Variants in PLEKHB1 observed in about 807,000 individuals in gnomAD.
The protein encoded by PLEKHB1 is pleckstrin homology domain containing B1.
Under a neutral mutation model 36.2 loss-of-function variants are expected in PLEKHB1, and 29 were observed. The observed-to-expected ratio is 0.80, with a 90% CI of 0.60 to 1.09. The LOEUF (loss-of-function observed/expected upper bound fraction) is 1.09. Among genes scored for constraint, PLEKHB1 ranks in the 50% least tolerant of loss-of-function variants. The pLI is 0.00. For missense variants in PLEKHB1, 330 were observed against 348.2 expected, an observed-to-expected ratio of 0.95 and a Z score of 0.42; for synonymous variants, 138 against 140.0, an observed-to-expected ratio of 0.99 and a Z score of 0.10.
rs576020398 is a variant in PLEKHB1, at chr11:73,650,580, A to G, written c.122A>G (p.Asn41Ser). The G allele has an allele frequency of 5.6e-5, 91 of 1,613,102 alleles. 2 individuals carry two copies. In the South Asian group the frequency reaches 8.8e-4, roughly 16 times the overall value. The change falls in exon 3 of 8, where the codon AAC becomes AGC. Residue 41 changes from asparagine (N) to serine (S), a missense_variant. Asn to Ser is a conservative substitution (Grantham distance 46). Transcript: ENST00000354190. ...QSSILRRWKR[N>S]WFALWLDGTL... ...TCCATCCTCCGCCGCTGGAAGCGGA[A>G]CTGGTTTGCCCTGTGGCTGGACGGG...
chr11:73,652,625 G>A (rs1022163526), intron 4 of PLEKHB1: 2 of 226,112 alleles, frequency 8.8e-6, no homozygotes, highest in Non-Finnish European at 1.7e-5. Context: ...GAAGTGTTTT[G>A]TTTGTAGATT....
rs1944777667 is a variant in PLEKHB1 at position 73,646,638 on chromosome 11, T to G, written c.18+12T>G. ...GCCCTGCAGCCCCGGTAAGGAAGAG[T>G]TCTCTGGGACAGGAGGAAGGGCCCA... On this transcript the variant is annotated intron_variant, in intron 1 of 7. Coordinates refer to ENST00000354190, the MANE Select transcript of PLEKHB1 (RefSeq NM_021200.3). 5 of 1,551,070 alleles carry G rather than the reference T, an allele frequency of 3.2e-6. No homozygotes were observed. In the East Asian group the frequency reaches 1.2e-4, roughly 38 times the overall value.
intron 1 of PLEKHB1, chr11:73,648,554 A>G (rs1193219567): frequency 1.4e-5 from 13 of 897,588 alleles, no homozygotes; most frequent in Non-Finnish European, 1.7e-5. Context: ...TGATTCTAAT[A>G]TTCTGCACTT....
In PLEKHB1 at chr11:73,662,305, CACA is replaced by C. The variant is rs1237450364; in HGVS notation, c.*704_*706del. 2.0e-5 allele frequency: 3 copies of C among 152,184 alleles called. No homozygotes were observed. Among genetic ancestry groups the C allele is most frequent in the Admixed American group, 6.5e-5 (1 of 15,276 alleles). 9.4% of individuals were successfully genotyped at this position (152,184 alleles called of 1,614,324 possible). A position where few individuals can be genotyped will look rare whatever the true frequency, so the allele number is the denominator to read the frequency against. ...ATATTGCCTGTTTTGTGAATACTGACACATGTCCATACCTAAAACACTCCTGAG... is the reference window on the plus strand; with the variant it reads ...ATATTGCCTGTTTTGTGAATACTGACTGTCCATACCTAAAACACTCCTGAG... On this transcript the variant is annotated 3_prime_UTR_variant, in exon 8 of 8. Transcript: ENST00000354190.
chr11:73,660,909 GC>G, intron 7 of PLEKHB1, 57 bp downstream of exon 7: 1 of 1,480,108 alleles, frequency 6.8e-7, no homozygotes, highest in Non-Finnish European at 9.2e-7. Flanking sequence ...TCAGCGCCAG[GC>G]CCAGCCCACG....
intron 1 of PLEKHB1, chr11:73,648,756 C>G: frequency 5.6e-6 from 7 of 1,246,678 alleles, no homozygotes; most frequent in Non-Finnish European, 5.1e-6. Flanking sequence ...GCCAAAGTTA[C>G]CAAGCTGAGG....
intron 1 of PLEKHB1, chr11:73,648,092 G>A (rs921136559): frequency 3.5e-6 from 2 of 579,520 alleles, no homozygotes; most frequent in Non-Finnish European, 4.3e-6. Flanking sequence ...GACAAGGTGA[G>A]GGAGTAGAAT....
In PLEKHB1 at chr11:73,655,927, T is replaced by C. The variant is rs1259299543; in HGVS notation, c.495+20T>C. On this transcript the variant is annotated intron_variant, in intron 6 of 7. Coordinates refer to ENST00000354190, the MANE Select transcript of PLEKHB1 (RefSeq NM_021200.3). ...ATCTGGGTAAGTGCTGGCTCGGCCC[T>C]CCCTGCCTCCATACTGGCCACCAGG... 2 of 1,605,810 alleles carry C rather than the reference T, an allele frequency of 1.2e-6. No homozygotes were observed. Among genetic ancestry groups the C allele is most frequent in the Non-Finnish European group, 8.5e-7 (1 of 1,173,208 alleles).
At chr11:73,655,529 T>C (rs1389477281) in intron 5 of PLEKHB1, among the ~76,000 whole-genome samples, 1 of 152,182 alleles carries the variant, frequency 6.6e-6, no homozygotes, top group Non-Finnish European at 1.5e-5. Context: ...CCCTGGAGAC[T>C]GGGAACCCCA....
chr11:73,651,445 C>A, intron 3 of PLEKHB1: 1 of 511,982 alleles, frequency 2.0e-6, no homozygotes. Flanking sequence ...CAGTTCCTGC[C>A]CTCCAGGCGC....
At position 73,649,066 on chromosome 11, in the gene PLEKHB1, G is replaced by A; in HGVS notation, c.73G>A (p.Gly25Ser). 2 of 1,600,460 alleles carry A rather than the reference G, an allele frequency of 1.2e-6. No individual in the cohort carries two copies. The highest frequency in any genetic ancestry group is 1.7e-6 in the Non-Finnish European group (2 of 1,173,604). ...SPFEEMALVR[G>S]GWLWRQSSIL... ...TTTTGAAGAAATGGCCCTGGTGAGG[G>A]GCGGCTGGCTGTGGAGACAGAGTGA... The change falls in exon 2 of 8, where the codon GGC becomes AGC. Residue 25 changes from glycine (G) to serine (S), a missense_variant. Transcript: ENST00000354190.
In PLEKHB1 at chr11:73,651,604, T is replaced by A. The variant is rs114764450; in HGVS notation, c.248-184T>A. 37 of 649,508 alleles carry A rather than the reference T, an allele frequency of 5.7e-5. No homozygotes were observed. In the African/African-American group the frequency reaches 6.1e-4, roughly 11 times the overall value. The allele number at this position is 649,508 out of a possible 1,614,324, so 40.2% of individuals were successfully genotyped here. A position where few individuals can be genotyped will look rare whatever the true frequency, so the allele number is the denominator to read the frequency against. The stretch of plus-strand genomic sequence containing the variant: ...AGGTGTGCTGAGGGAAGCCTCAGCA[T>A]GGAAAGGTTGGAAAGGTTGGAAACG... On this transcript the variant is annotated intron_variant, in intron 3 of 7. Coordinates refer to ENST00000354190, the MANE Select transcript of PLEKHB1 (RefSeq NM_021200.3).
chr11:73,653,506 A>G (rs1182608081), intron 5 of PLEKHB1: 6 of 455,648 alleles, frequency 1.3e-5, no homozygotes, highest in Admixed American at 2.4e-5. Context: ...ACTCAGCCTA[A>G]TGAGAAGCCA....
intron 6 of PLEKHB1, 127 bp downstream of exon 6, chr11:73,656,034 C>T: frequency 2.6e-6 from 2 of 774,582 alleles, no homozygotes. Context: ...AGGACACAAA[C>T]CAGCTGCTCT....
At position 73,660,759 on chromosome 11, in the gene PLEKHB1, G is replaced by T; in HGVS notation, c.502G>T (p.Val168Phe). The T allele has an allele frequency of 6.3e-7, 1 of 1,592,498 alleles. No individual in the cohort carries two copies. Among genetic ancestry groups the T allele is most frequent in the Non-Finnish European group, 8.5e-7 (1 of 1,170,890 alleles). ...CKVERRIWVR[V>F]YSPYQDYYEV... ...ACATGGTTGGATTCCCCAGGTGCGC[G>T]TCTACAGCCCGTACCAAGACTACTA... The change falls in exon 7 of 8, where the codon GTC becomes TTC. Residue 168 changes from valine (V) to phenylalanine (F), a missense_variant. Val to Phe is a conservative substitution (Grantham distance 50). Transcript: ENST00000354190.
chr11:73,661,824 C>A lies in PLEKHB1; in HGVS notation c.*222C>A. The A allele has an allele frequency of 1.8e-6, 1 of 542,530 alleles. No homozygotes were observed. Among genetic ancestry groups the A allele is most frequent in the Non-Finnish European group, 3.1e-6 (1 of 318,496 alleles). The allele number at this position is 542,530 out of a possible 1,614,324, so 33.6% of individuals were successfully genotyped here. A position where few individuals can be genotyped will look rare whatever the true frequency, so the allele number is the denominator to read the frequency against. On this transcript the variant is annotated 3_prime_UTR_variant, in exon 8 of 8. Transcript: ENST00000354190. This position sits in a 1 kb window ranked among gnomAD's most constrained non-coding sequence, Gnocchi z 4.6. ...CATCGCTTGAAGTCTTCACATCTAC[C>A]ACTAGACACCCCCAAAATCTGTTAT...
chr11:73,655,958 C>A, intron 6 of PLEKHB1, 51 bp downstream of exon 6: 7 of 1,497,690 alleles, frequency 4.7e-6, no homozygotes, highest in Non-Finnish European at 6.5e-6. Flanking sequence ...CCAGGATGAG[C>A]CTCCAAAACC....
At chr11:73,648,165 G>T in intron 1 of PLEKHB1, 1 of 179,546 alleles carries the variant, frequency 5.6e-6, no homozygotes, top group Non-Finnish European at 1.1e-5. Context: ...AAGAGTATCA[G>T]GGCTTGCCTC....
chr11:73,650,873 T>C (rs1040382488), intron 3 of PLEKHB1, among the ~76,000 whole-genome samples, 168 bp downstream of exon 3: 1 of 152,000 alleles, frequency 6.6e-6, no homozygotes, highest in Non-Finnish European at 1.5e-5. Flanking sequence ...AGTTAAGAAA[T>C]AGGTCCTTGG....
Sources: gnomAD v4.1 joint callset for allele counts (sites outside exome capture counted in the v4.1 genomes callset) on GRCh38, gnomAD v4.1.1 for gene constraint, Gnocchi (gnomAD v3.1) non-coding constraint, MANE v1.5 for transcripts, NCBI Gene and HGNC (gene_info 2026-07-23, HGNC 2026-07-21) for gene names.